CSGALNACT1: variants seen among roughly 807,000 people sequenced by gnomAD.
CSGALNACT1 encodes the protein chondroitin sulfate N-acetylgalactosaminyltransferase 1.
A neutral mutation model predicts 51.0 loss-of-function variants in CSGALNACT1; 52 were observed. The ratio of observed to expected loss-of-function variants is 1.02; its 90% CI spans 0.82 to 1.29. The LOEUF (loss-of-function observed/expected upper bound fraction) is 1.29, where lower values mean the gene tolerates loss of function less well. Among genes scored for constraint, CSGALNACT1 ranks in the 50% most tolerant of loss-of-function variants. The probability of loss-of-function intolerance (pLI) is 0.00; values close to 1 mark genes in which losing one functional copy is unlikely to be tolerated. For missense variants in CSGALNACT1, 935 were observed against 679.2 expected (o/e 1.38, Z -4.19); for synonymous variants, 341 against 254.4 (o/e 1.34, Z -3.24).
At chr8:19,522,189 C>T (rs2154031432) in intron 3 of CSGALNACT1, among the ~76,000 whole-genome samples, 1 of 152,136 alleles carries the variant, frequency 6.6e-6, no homozygotes. Flanking sequence ...AAGGTCAAAA[C>T]CGTATTAGTG....
chr8:19,664,359 A>T (rs912008713), intron 1 of CSGALNACT1, among the ~76,000 whole-genome samples: 1 of 152,220 alleles, frequency 6.6e-6, no homozygotes, highest in Non-Finnish European at 1.5e-5. Flanking sequence ...GGAGGTGCAG[A>T]AAAGGCAACA....
At chr8:19,506,520 T>C (rs1297302996) in intron 3 of CSGALNACT1, among the ~76,000 whole-genome samples, 15 of 152,216 alleles carry the variant, frequency 9.9e-5, no homozygotes, top group African/African-American at 3.4e-4. Context: ...GCGGACTACT[T>C]GGCCGGAGAC....
At chr8:19,499,226 G>A (rs760603379) in intron 4 of CSGALNACT1, among the ~76,000 whole-genome samples, 3 of 152,164 alleles carry the variant, frequency 2.0e-5, no homozygotes, top group African/African-American at 4.8e-5. Context: ...TTGCGTAGAT[G>A]CCCCTTTATT....
chr8:19,443,347 T>C (rs2061622276), intron 5 of CSGALNACT1, among the ~76,000 whole-genome samples: 1 of 152,242 alleles, frequency 6.6e-6, no homozygotes, highest in African/African-American at 2.4e-5. Context: ...TATGTACACA[T>C]ATATGCATAT....
At chr8:19,752,374 C>T (rs1048811137) in intron 1 of CSGALNACT1, among the ~76,000 whole-genome samples, 75 of 152,008 alleles carry the variant, frequency 4.9e-4, no homozygotes, top group Non-Finnish European at 5.6e-4. Context: ...GGCTGAGCAC[C>T]CGACATGGAA....
intron 1 of CSGALNACT1, among the ~76,000 whole-genome samples, chr8:19,656,793 T>C (rs916754904): frequency 5.9e-5 from 9 of 152,186 alleles, no homozygotes; most frequent in African/African-American, 2.2e-4. Context: ...GTAGGCCAGA[T>C]GCAGTGGCTC....
At position 19,619,244 on chromosome 8, in the gene CSGALNACT1, G is replaced by T. The variant is rs894913023; in HGVS notation, c.-543-17379C>A. On this transcript the variant is annotated intron_variant, in intron 1 of 9. Coordinates refer to the CSGALNACT1 transcript ENST00000332246. ...AGACAGGAAAAGAGCATTCTAGACA[G>T]GGTCGGGGGGGGGTGGGCCTTGAAA... Among the ~76,000 whole-genome samples the T allele has an allele frequency of 2.8e-5, 4 of 141,948 alleles. No individual in the cohort carries two copies. The Admixed American group carries it at 2.8e-4, about 10-fold the overall frequency. 93.1% of individuals were successfully genotyped at this position (141,948 alleles called of 152,430 possible). A position where few individuals can be genotyped will look rare whatever the true frequency, so the allele number is the denominator to read the frequency against.
At chr8:19,684,616 G>A (rs1046400769), upstream of CSGALNACT1, among the ~76,000 whole-genome samples, 3 of 151,936 alleles carry the variant, frequency 2.0e-5, no homozygotes, top group Admixed American at 1.3e-4. Context: ...AAGGTATCGA[G>A]CCACCCTCCC....
At chr8:19,405,704 C>T (rs749949854) in exon 10 of CSGALNACT1, 1 of 1,586,324 alleles carries the variant, frequency 6.3e-7, no homozygotes, top group South Asian at 1.1e-5. Flanking sequence ...TTATGGAAGT[C>T]TTTTCTCTGT....
At chr8:19,511,168 C>A (rs1164099624) in intron 3 of CSGALNACT1, among the ~76,000 whole-genome samples, 1 of 152,184 alleles carries the variant, frequency 6.6e-6, no homozygotes, top group African/African-American at 2.4e-5. Flanking sequence ...CAATGACAGG[C>A]CTTGTAAGTG....
chr8:19,638,781 G>C (rs1055772152), intron 1 of CSGALNACT1, among the ~76,000 whole-genome samples: 3 of 151,960 alleles, frequency 2.0e-5, no homozygotes, highest in Non-Finnish European at 4.4e-5. Context: ...TCCCCACCAA[G>C]AAAGAGCTGA....
intron 3 of CSGALNACT1, among the ~76,000 whole-genome samples, chr8:19,569,781 C>T (rs2042622454): frequency 6.6e-6 from 1 of 152,128 alleles, no homozygotes; most frequent in East Asian, 1.9e-4. Context: ...GAAATTTTAT[C>T]CCTAATAGTC....
upstream of CSGALNACT1, chr8:19,682,691 C>T (rs546795802): frequency 1.1e-4 from 51 of 454,106 alleles, no homozygotes; most frequent in Non-Finnish European, 2.1e-4. Flanking sequence ...TCTTGGGTTA[C>T]TCACCTCCGT....
intron 1 of CSGALNACT1, among the ~76,000 whole-genome samples, chr8:19,706,286 T>G (rs973752778): frequency 6.6e-6 from 1 of 152,208 alleles, no homozygotes; most frequent in African/African-American, 2.4e-5. Context: ...ATTGTCCCTG[T>G]GGTTTGTGAA....
At chr8:19,482,967 G>A (rs1448625327) in intron 4 of CSGALNACT1, among the ~76,000 whole-genome samples, 4 of 152,090 alleles carry the variant, frequency 2.6e-5, no homozygotes, top group African/African-American at 9.7e-5. Flanking sequence ...TAAATGAGCT[G>A]AGCTTCATCC....
chr8:19,466,061 T>C (rs1370849339), intron 4 of CSGALNACT1, among the ~76,000 whole-genome samples: 1 of 152,144 alleles, frequency 6.6e-6, no homozygotes, highest in Non-Finnish European at 1.5e-5. Flanking sequence ...ATTTTGACAG[T>C]TGTTTAAGTA....
At chr8:19,730,046 C>G (rs1325225883) in intron 1 of CSGALNACT1, among the ~76,000 whole-genome samples, 1 of 152,192 alleles carries the variant, frequency 6.6e-6, no homozygotes, top group East Asian at 1.9e-4. Flanking sequence ...GTGGAGCCCA[C>G]CAGACTAGAG....
chr8:19,445,106 C>G (rs112597884), intron 5 of CSGALNACT1, among the ~76,000 whole-genome samples: 2,798 of 152,246 alleles, frequency 0.018, 36 homozygotes, highest in Non-Finnish European at 0.029. Flanking sequence ...TAGGATGTAA[C>G]GATATGTTTT....
chr8:19,724,161 C>A (rs1447250982), intron 1 of CSGALNACT1, among the ~76,000 whole-genome samples: 2 of 152,160 alleles, frequency 1.3e-5, no homozygotes, highest in African/African-American at 4.8e-5. Flanking sequence ...GTATCAGTTT[C>A]CCAGGGCTGC....
Sources: gnomAD v4.1 joint callset for allele counts (sites outside exome capture counted in the v4.1 genomes callset) on GRCh38, gnomAD v4.1.1 for gene constraint, MANE v1.5 for transcripts, NCBI Gene and HGNC (gene_info 2026-07-23, HGNC 2026-07-21) for gene names.